The following PCDH11X variants were observed in gnomAD, a reference collection of about 807,000 sequenced individuals.
The protein encoded by PCDH11X is protocadherin-11 X-linked.
In PCDH11X, 18 loss-of-function variants were observed where a neutral mutation model predicts 53.3. The ratio of observed to expected loss-of-function variants is 0.34; its 90% confidence interval spans 0.23 to 0.50. The LOEUF (loss-of-function observed/expected upper bound fraction) is 0.50. Ranked by LOEUF, PCDH11X falls within the 20% of genes least tolerant of loss-of-function variation. The pLI is 0.98. For synonymous variants in PCDH11X, 279 were observed against 393.3 expected, an observed-to-expected ratio of 0.71 and a Z score of 3.44; for missense variants, 570 against 1,032.4, an observed-to-expected ratio of 0.55 and a Z score of 6.14.
intron 8 of PCDH11X, among the ~76,000 whole-genome samples, chrX:92,285,013 G>A (rs911540340): frequency 1.4e-4 from 15 of 110,840 alleles, no homozygotes; most frequent in East Asian, 2.8e-4. Context: ...CTCTGTTTTC[G>A]CCTCCTAATC....
chrX:92,004,768 CTTTTTTTTTT>C (rs1171124073), intron 6 of PCDH11X, among the ~76,000 whole-genome samples: 1 of 57,155 alleles, frequency 1.7e-5, no homozygotes, highest in African/African-American at 8.3e-5. Context: ...CTATGTGTGC[CTTTTTTTTTT>C]TTTTTTTTTT....
At chrX:91,807,579 T>C (rs1415128847) in intron 1 of PCDH11X, among the ~76,000 whole-genome samples, 3 of 110,385 alleles carry the variant, frequency 2.7e-5, no homozygotes, top group East Asian at 5.7e-4. Flanking sequence ...TTTATTAGAA[T>C]CAGAAATTTC....
intron 7 of PCDH11X, among the ~76,000 whole-genome samples, chrX:92,225,361 C>T (rs939379865): frequency 5.6e-5 from 6 of 106,855 alleles, no homozygotes; most frequent in African/African-American, 2.0e-4. Context: ...TTACTGAGGG[C>T]TTAGTTTGTG....
chrX:92,421,132 T>A (rs1333349916), intron 9 of PCDH11X, among the ~76,000 whole-genome samples: 1 of 111,808 alleles, frequency 8.9e-6, no homozygotes, highest in African/African-American at 3.3e-5. Context: ...TTTTGTTTTT[T>A]AACTTTTAAG....
At chrX:92,012,701 T>C (rs909570023) in intron 6 of PCDH11X, among the ~76,000 whole-genome samples, 9 of 111,415 alleles carry the variant, frequency 8.1e-5, no homozygotes, top group Admixed American at 2.9e-4. Flanking sequence ...CATAATTCTA[T>C]TGGACAAAAG....
At chrX:92,228,453 T>C in intron 7 of PCDH11X, among the ~76,000 whole-genome samples, 1 of 111,571 alleles carries the variant, frequency 9.0e-6, no homozygotes, top group East Asian at 2.8e-4. Flanking sequence ...TCCTCTCCTT[T>C]GAATTCAGCT....
At chrX:91,844,536 T>A (rs939898922) in intron 5 of PCDH11X, among the ~76,000 whole-genome samples, 1 of 110,302 alleles carries the variant, frequency 9.1e-6, no homozygotes, top group Non-Finnish European at 1.9e-5. Context: ...TTGTCTTTTG[T>A]TTTTTCAAGC....
chrX:92,130,833 A>T (rs1479566696), intron 6 of PCDH11X, among the ~76,000 whole-genome samples: 2 of 110,633 alleles, frequency 1.8e-5, no homozygotes, highest in East Asian at 5.7e-4. Context: ...ATTTTATATG[A>T]TTATTGTTTG....
intron 7 of PCDH11X, among the ~76,000 whole-genome samples, chrX:92,210,186 T>C (rs1169029964): frequency 1.9e-5 from 2 of 107,898 alleles, no homozygotes; most frequent in Non-Finnish European, 3.8e-5. Context: ...TCTTTACATA[T>C]GCAAATTTGT....
At chrX:92,255,962 C>G (rs1416295780) in intron 7 of PCDH11X, among the ~76,000 whole-genome samples, 1 of 112,359 alleles carries the variant, frequency 8.9e-6, no homozygotes, top group African/African-American at 3.2e-5. Flanking sequence ...TGGGCTCCAC[C>G]CAGTTGGAGC....
chrX:92,299,364 C>A (rs1379251515), intron 8 of PCDH11X, among the ~76,000 whole-genome samples: 1 of 111,050 alleles, frequency 9.0e-6, no homozygotes, highest in Non-Finnish European at 1.9e-5. Context: ...GTTAGTGAGA[C>A]CTGGCCTGCC....
chrX:91,947,384 C>T (rs2061589782), intron 6 of PCDH11X, among the ~76,000 whole-genome samples: 1 of 103,391 alleles, frequency 9.7e-6, no homozygotes, highest in Non-Finnish European at 2.0e-5. Flanking sequence ...AACATTTATA[C>T]ACTTCCAAGA....
chrX:92,048,054 G>A (rs1258778039), intron 6 of PCDH11X, among the ~76,000 whole-genome samples: 3 of 110,869 alleles, frequency 2.7e-5, no homozygotes, highest in African/African-American at 9.8e-5. Context: ...ATCAGCATTA[G>A]AAGTAGAAGT....
rs181281709 is a variant in PCDH11X at position 92,598,511 on chromosome X, C to T, written c.3368-19753C>T. Reference sequence around the variant, plus strand: ...AAAACTACAATGAGATATCATCTCGCCCCAGTTAAAATGGCTTTTATCTAA... The same window carrying T: ...AAAACTACAATGAGATATCATCTCGTCCCAGTTAAAATGGCTTTTATCTAA... On this transcript the variant is annotated intron_variant, in intron 10 of 10. Coordinates refer to ENST00000682573, the MANE Select transcript of PCDH11X (RefSeq NM_032968.5). Among the ~76,000 whole-genome samples, 703 of 104,451 alleles carry T rather than the reference C, an allele frequency of 6.7e-3. 9 individuals carry two copies. Among genetic ancestry groups the T allele is most frequent in the African/African-American group, 0.025 (669 of 27,281 alleles). The allele number at this position is 104,451 out of a possible 115,157, so 90.7% of individuals were successfully genotyped here.
chrX:92,098,518 A>C (rs2064179596), intron 6 of PCDH11X, among the ~76,000 whole-genome samples: 1 of 111,300 alleles, frequency 9.0e-6, no homozygotes, highest in Non-Finnish European at 1.9e-5. Context: ...TTCTTCCCTT[A>C]GGACACTAGC....
At chrX:92,277,684 G>T (rs1266401338) in intron 8 of PCDH11X, among the ~76,000 whole-genome samples, 1 of 109,420 alleles carries the variant, frequency 9.1e-6, no homozygotes, top group South Asian at 4.1e-4. Context: ...ATGGAAATAA[G>T]GGGTCAGGGC....
At chrX:91,811,324 T>C (rs1936286098) in intron 4 of PCDH11X, 29 bp downstream of exon 4, 4 of 1,112,299 alleles carry the variant, frequency 3.6e-6, no homozygotes, top group Non-Finnish European at 4.9e-6. Context: ...AAATATCATA[T>C]ACGTCTCCTT....
rs141971388 is a variant in PCDH11X at position 92,387,810 on chromosome X, G to T, written c.3220G>T (p.Asp1074Tyr). Residue 1074 changes from aspartate (D) to tyrosine (Y), a missense_variant, in exon 9 of 11, where the codon GAT becomes TAT. Around this residue, in one of 6 missense-constraint regions of PCDH11X, gnomAD observed 234 missense variants for 296.1 expected, o/e 0.79. Transcript: ENST00000682573. ...SSSDGGLGDH[D>Y]AGSLTSTSHG... The stretch of plus-strand genomic sequence containing the variant: ...CAGTGATGGTGGACTGGGAGACCAT[G>T]ATGCAGGCAGCCTTACCAGCACATC... 2.0e-4 allele frequency: 246 copies of T among 1,210,168 alleles called. No homozygotes were observed. The highest frequency in any genetic ancestry group is 2.6e-4 in the Non-Finnish European group (229 of 895,245).
chrX:91,809,363 G>T (rs1354158405), intron 1 of PCDH11X, among the ~76,000 whole-genome samples, 103 bp from the exon 2 acceptor site: 1 of 110,366 alleles, frequency 9.1e-6, no homozygotes, highest in East Asian at 2.9e-4. Flanking sequence ...ATATCACTTT[G>T]CTCTGTCCTT....
Sources: gnomAD v4.1 joint callset for allele counts (sites outside exome capture counted in the v4.1 genomes callset) on GRCh38, gnomAD v4.1.1 for gene constraint, gnomAD v4.1.1 regional missense constraint, MANE v1.5 for transcripts, NCBI Gene and HGNC (gene_info 2026-07-23, HGNC 2026-07-21) for gene names.